The following HYDIN variants were observed in gnomAD, a reference collection of about 807,000 sequenced individuals.
HYDIN encodes the protein HYDIN axonemal central pair apparatus protein, also known as axonemal central pair apparatus protein HYDIN.
HYDIN carries 132 observed loss-of-function variants against 403.9 expected under a neutral mutation model. The ratio of observed to expected loss-of-function variants is 0.33; its 90% CI spans 0.28 to 0.38. The LOEUF (loss-of-function observed/expected upper bound fraction) is 0.38, where lower values mean the gene tolerates loss of function less well. Ranked by LOEUF, HYDIN falls within the 10% of genes least tolerant of loss-of-function variation. The pLI is 1.00. For missense variants in HYDIN, 2,827 were observed against 5,009.5 expected (o/e 0.56, Z 13.15); for synonymous variants, 1,202 against 1,891.7 (o/e 0.64, Z 9.46).
intron 1 of HYDIN, among the ~76,000 whole-genome samples, chr16:71,188,232 C>T (rs2087251044): frequency 6.6e-6 from 1 of 152,114 alleles, no homozygotes; most frequent in Admixed American, 6.5e-5. Context: ...TAGGCTCAAG[C>T]AATCCTCCAA....
chr16:70,858,003 T>C (rs577430036), intron 71 of HYDIN, 133 bp from the exon 72 acceptor site: 182 of 1,241,968 alleles, frequency 1.5e-4, no homozygotes, highest in Admixed American at 2.2e-4. Context: ...CTATAGTCCA[T>C]GTAAGGGCAT....
intron 84 of HYDIN, among the ~76,000 whole-genome samples, chr16:70,811,860 G>GAA (rs901044569): frequency 8.7e-6 from 1 of 115,124 alleles, no homozygotes. Context: ...TCCATCTTGG[G>GAA]AAAAAAAAAA....
At chr16:71,194,625 A>G (rs2087602500) in intron 1 of HYDIN, among the ~76,000 whole-genome samples, 1 of 152,216 alleles carries the variant, frequency 6.6e-6, no homozygotes, top group African/African-American at 2.4e-5. Context: ...GCATCTAACA[A>G]ATTGCCCCAA....
Position 70,807,811 on chromosome 16 carries a change from G to C in HYDIN, c.15135C>G (p.Val5045=). 6.2e-7 allele frequency: 1 copy of C among 1,614,210 alleles called. No homozygotes were observed. The highest frequency in any genetic ancestry group is 1.3e-5 in the African/African-American group (1 of 75,044). Residue 5045 remains valine (V), a synonymous_variant, in exon 86 of 86, where the codon GTC becomes GTG. Transcript: ENST00000393567. ...TGGAGAAGGTCACCATGTGATAGAA[G>C]ACATTCTTGAAGGGGATGATTATGC... ...GYSIIIPFKN[V]FYHMVTFSII...
intron 45 of HYDIN, among the ~76,000 whole-genome samples, chr16:70,921,892 TTC>T (rs1186515892): frequency 6.6e-6 from 1 of 152,252 alleles, no homozygotes; most frequent in Non-Finnish European, 1.5e-5. Context: ...ACCAACTTTA[TTC>T]TTTTTCTTAC....
chr16:70,853,843 T>C (rs1314416007), intron 73 of HYDIN, among the ~76,000 whole-genome samples: 5 of 148,982 alleles, frequency 3.4e-5, no homozygotes, highest in Admixed American at 3.3e-4. Flanking sequence ...TGGGAGAAAT[T>C]TGGTAAACAG....
At chr16:71,022,088 G>A (rs2080517364) in intron 21 of HYDIN, among the ~76,000 whole-genome samples, 1 of 151,814 alleles carries the variant, frequency 6.6e-6, no homozygotes, top group Non-Finnish European at 1.5e-5. Flanking sequence ...TATGGTTTAG[G>A]GAGGGATGAA....
chr16:71,158,349 G>C (rs1390765809), intron 6 of HYDIN, among the ~76,000 whole-genome samples: 1 of 152,140 alleles, frequency 6.6e-6, no homozygotes, highest in African/African-American at 2.4e-5. Context: ...TTTTACCTTA[G>C]AATTGTTTCT....
intron 53 of HYDIN, among the ~76,000 whole-genome samples, 167 bp downstream of exon 53, chr16:70,900,837 A>G (rs1423610268): frequency 1.5e-5 from 2 of 130,066 alleles, no homozygotes; most frequent in African/African-American, 6.1e-5. Context: ...TGGAGCTTGC[A>G]GTTGTGTGCA....
At chr16:70,986,701 A>G (rs2144033355) in intron 27 of HYDIN, among the ~76,000 whole-genome samples, 1 of 146,136 alleles carries the variant, frequency 6.8e-6, no homozygotes, top group Non-Finnish European at 1.5e-5. Flanking sequence ...AAAATGGGAA[A>G]GTATATTATA....
chr16:70,837,683 C>T lies in HYDIN; in HGVS notation c.13242+7G>A. 2.5e-6 allele frequency: 4 copies of T among 1,613,830 alleles called. No homozygotes were observed. The highest frequency in any genetic ancestry group is 3.4e-6 in the Non-Finnish European group (4 of 1,179,826). ...CCACGCCTGAAGGCCTCCCGACTGT[C>T]TGTTACCTTCATTTTGGTACCCTTC... is the stretch of plus-strand genomic sequence containing the variant. On this transcript the variant is annotated splice_region_variant and intron_variant, in intron 77 of 85. Transcript: ENST00000393567.
chr16:71,100,096 T>G (rs1443791254), intron 10 of HYDIN, among the ~76,000 whole-genome samples: 4 of 151,846 alleles, frequency 2.6e-5, no homozygotes, highest in Admixed American at 1.3e-4. Flanking sequence ...CCAGCAACAG[T>G]CAGAAAAATT....
intron 62 of HYDIN, among the ~76,000 whole-genome samples, chr16:70,878,632 G>A (rs1295438234): frequency 6.7e-6 from 1 of 148,542 alleles, no homozygotes; most frequent in African/African-American, 2.6e-5. Flanking sequence ...ACTATCTCCT[G>A]TAGTAGTGTG....
intron 79 of HYDIN, 65 bp from the exon 80 acceptor site, chr16:70,833,132 A>G (rs1335697722): frequency 7.0e-7 from 1 of 1,432,004 alleles, no homozygotes; most frequent in Admixed American, 2.2e-5. Context: ...CCTCAATGCT[A>G]CTGAGAACAA....
Position 70,829,809 on chromosome 16 carries a change from C to T in HYDIN, c.13921G>A (p.Val4641Met), listed in dbSNP as rs576829555. 1 of 1,613,998 alleles carries T rather than the reference C, an allele frequency of 6.2e-7. No homozygotes were observed. The highest frequency in any genetic ancestry group is 8.5e-7 in the Non-Finnish European group (1 of 1,179,868). Residue 4641 changes from valine (V) to methionine (M), a missense_variant, in exon 81 of 86, where the codon GTG becomes ATG. Val to Met is a conservative substitution (Grantham distance 21). Transcript: ENST00000393567. ...VKEVVNFTCQ[V>M]RSKHTQTILL... ...ATGGTCTGCGTGTGCTTGGAGCGCA[C>T]CTGGCACGTGAAATTCACTACCTGG...
chr16:71,014,495 G>T (rs997498415), intron 23 of HYDIN, among the ~76,000 whole-genome samples: 2 of 151,654 alleles, frequency 1.3e-5, no homozygotes, highest in Non-Finnish European at 2.9e-5. Context: ...CTTTGGTGGC[G>T]GGCATGTGAC....
chr16:71,201,013 T>C (rs1274186274), intron 1 of HYDIN, among the ~76,000 whole-genome samples: 2 of 152,200 alleles, frequency 1.3e-5, no homozygotes, highest in African/African-American at 4.8e-5. Flanking sequence ...TGTTCCCTTG[T>C]CCATGCTTAG....
At chr16:71,059,218 C>G (rs2082002215) in intron 18 of HYDIN, among the ~76,000 whole-genome samples, 1 of 152,020 alleles carries the variant, frequency 6.6e-6, no homozygotes, top group Non-Finnish European at 1.5e-5. Context: ...AAAATCTTTG[C>G]TAGGGTCCAT....
chr16:71,063,865 C>T, intron 16 of HYDIN, among the ~76,000 whole-genome samples: 1 of 151,496 alleles, frequency 6.6e-6, no homozygotes, highest in Non-Finnish European at 1.5e-5. Context: ...TAGAAAAATA[C>T]AATGACAACA....
Sources: allele counts gnomAD v4.1 joint callset (sites outside exome capture counted in the v4.1 genomes callset), GRCh38; gene constraint gnomAD v4.1.1; transcripts MANE v1.5; gene names NCBI Gene and HGNC (gene_info 2026-07-23, HGNC 2026-07-21).